The following ASTN2 variants were observed in gnomAD, a reference collection of about 807,000 sequenced individuals.
ASTN2 encodes astrotactin-2.
A neutral mutation model predicts 139.8 loss-of-function variants in ASTN2; 54 were observed. The observed-to-expected ratio is 0.39, with a 90% CI of 0.31 to 0.48. ASTN2 has a LOEUF of 0.48. ASTN2 is among the 20% of genes least tolerant of loss of function. ASTN2 has a pLI of 0.95. For missense variants in ASTN2, 1,565 were observed against 1,725.1 expected (o/e 0.91, Z 1.64); for synonymous variants, 756 against 719.5 (o/e 1.05, Z -0.81).
intron 16 of ASTN2, among the ~76,000 whole-genome samples, chr9:116,654,304 A>T (rs576554548): frequency 1.2e-4 from 19 of 152,348 alleles, no homozygotes; most frequent in African/African-American, 4.3e-4. Flanking sequence ...CAAAGACTCT[A>T]TAATCACAAA....
At chr9:116,886,776 C>G (rs116936087) in intron 10 of ASTN2, among the ~76,000 whole-genome samples, 1 of 152,092 alleles carries the variant, frequency 6.6e-6, no homozygotes, top group Non-Finnish European at 1.5e-5. Flanking sequence ...AGGTACTGCT[C>G]TAGGTGCAGC....
chr9:116,439,173 T>A (rs1303674434), intron 22 of ASTN2, among the ~76,000 whole-genome samples: 1 of 150,958 alleles, frequency 6.6e-6, no homozygotes, highest in East Asian at 1.9e-4. Flanking sequence ...CAAGATGATG[T>A]TGTGTTTTCT....
At chr9:116,624,449 T>C (rs1856337568) in intron 17 of ASTN2, among the ~76,000 whole-genome samples, 3 of 152,172 alleles carry the variant, frequency 2.0e-5, no homozygotes, top group African/African-American at 7.2e-5. Flanking sequence ...CAATTACAAT[T>C]ACTATAGTTC....
At chr9:116,720,669 A>C (rs1828447654) in intron 16 of ASTN2, among the ~76,000 whole-genome samples, 1 of 151,988 alleles carries the variant, frequency 6.6e-6, no homozygotes, top group Non-Finnish European at 1.5e-5. Context: ...TTTCACATAC[A>C]CACATCTGTC....
At chr9:116,488,758 ACTGT>A (rs1479675924) in intron 19 of ASTN2, among the ~76,000 whole-genome samples, 1 of 152,228 alleles carries the variant, frequency 6.6e-6, no homozygotes, top group Non-Finnish European at 1.5e-5. Context: ...TTTAAGGTGG[ACTGT>A]CTGGAGAGTG....
chr9:116,652,503 A>G (rs959937322), intron 16 of ASTN2, among the ~76,000 whole-genome samples: 12 of 152,206 alleles, frequency 7.9e-5, no homozygotes, highest in African/African-American at 2.9e-4. Context: ...TTTAAAATTT[A>G]TATCTAGTCC....
chr9:117,374,086 T>C lies in ASTN2; in HGVS notation c.442+40411A>G, dbSNP rs190904563. On this transcript the variant is annotated intron_variant, in intron 1 of 22. Transcript: ENST00000313400. ...GTGGGGGAAATACTTGCAACTGTTA[T>C]GTGGCAGATATTTTCAGATATAGCA... Among the ~76,000 whole-genome samples the C allele has an allele frequency of 3.9e-3, 601 of 152,284 alleles. 2 individuals carry two copies. Among genetic ancestry groups the C allele is most frequent in the Non-Finnish European group, 6.6e-3 (449 of 68,012 alleles).
intron 19 of ASTN2, among the ~76,000 whole-genome samples, chr9:116,589,075 A>G (rs1854273988): frequency 6.6e-6 from 1 of 152,220 alleles, no homozygotes; most frequent in Admixed American, 6.5e-5. Context: ...TCCAACAAGG[A>G]TAACTCTCCC....
chr9:117,319,711 C>T (rs1828265344), intron 1 of ASTN2, among the ~76,000 whole-genome samples: 1 of 152,022 alleles, frequency 6.6e-6, no homozygotes, highest in Admixed American at 6.6e-5. Context: ...GCTGGGATTA[C>T]AGGCATTAGC....
At chr9:116,462,671 T>C (rs1029078081) in intron 20 of ASTN2, among the ~76,000 whole-genome samples, 3 of 152,132 alleles carry the variant, frequency 2.0e-5, no homozygotes, top group Non-Finnish European at 2.9e-5. Flanking sequence ...TTGGTGATAA[T>C]ATAGGAACGA....
intron 20 of ASTN2, among the ~76,000 whole-genome samples, chr9:116,485,369 A>AG (rs572282791): frequency 7.2e-5 from 11 of 152,300 alleles, no homozygotes; most frequent in African/African-American, 2.4e-4. Context: ...AACCCTAAGG[A>AG]GGGGAGAAAC....
chr9:116,508,106 G>T lies in ASTN2; in HGVS notation c.3356-20606C>A, dbSNP rs572205031. ...GGGTTTCTCCATGTTGGTCAGGGTG[G>T]TCTTGAACTCCCAACCTCAGGTGAT... is the stretch of plus-strand genomic sequence containing the variant. On this transcript the variant is annotated intron_variant, in intron 19 of 22. Transcript: ENST00000313400. 2.0e-5 allele frequency among the ~76,000 whole-genome samples: 3 copies of T among 152,188 alleles called. No individual in the cohort carries two copies. In the East Asian group the frequency reaches 5.8e-4, roughly 29 times the overall value.
rs1279552080 is a variant in ASTN2 at position 117,134,289 on chromosome 9, TATATATACACACACACAC to T, written c.1168+7019_1168+7036del. On this transcript the variant is annotated intron_variant, in intron 4 of 22. Coordinates refer to ENST00000313400, the MANE Select transcript of ASTN2 (RefSeq NM_001365068.1). ...AATTATATATATATATATATATATA[TATATATACACACACACAC>T]ACACACACACACACACACACACACA... Among the ~76,000 whole-genome samples the T allele has an allele frequency of 8.8e-4, 72 of 81,416 alleles. 1 individual carries two copies. Among genetic ancestry groups the T allele is most frequent in the Non-Finnish European group, 1.2e-3 (49 of 40,170 alleles). 53.4% of individuals were successfully genotyped at this position (81,416 alleles called of 152,430 possible). A position where few individuals can be genotyped will look rare whatever the true frequency, so the allele number is the denominator to read the frequency against.
At chr9:117,050,579 G>T (rs1465876669) in intron 5 of ASTN2, among the ~76,000 whole-genome samples, 1 of 152,078 alleles carries the variant, frequency 6.6e-6, no homozygotes, top group East Asian at 1.9e-4. Context: ...TGGGGGAAAT[G>T]GAAGATCAAA....
intron 1 of ASTN2, among the ~76,000 whole-genome samples, chr9:117,306,879 T>C (rs929735414): frequency 6.6e-6 from 1 of 152,168 alleles, no homozygotes; most frequent in African/African-American, 2.4e-5. Context: ...TACTATGTGA[T>C]GTGAAATATA....
At position 116,755,716 on chromosome 9, in the gene ASTN2, A is replaced by AT. The variant is rs1292662561; in HGVS notation, c.2397-22194dup. Among the ~76,000 whole-genome samples the AT allele has an allele frequency of 3.0e-4, 46 of 152,364 alleles. No homozygotes were observed. The East Asian group carries it at 7.9e-3, about 26-fold the overall frequency. On this transcript the variant is annotated intron_variant, in intron 13 of 22. Coordinates refer to ENST00000313400, the MANE Select transcript of ASTN2 (RefSeq NM_001365068.1). ...GAACACTCTACTAGTCTAACTTTCC[A>AT]TCTGCATTAAATCAAAGGTTTAAAA...
chr9:117,083,330 G>A lies in ASTN2; in HGVS notation c.1276+12714C>T, dbSNP rs1028183307. 2.6e-5 allele frequency among the ~76,000 whole-genome samples: 4 copies of A among 152,072 alleles called. No homozygotes were observed. In the East Asian group the frequency reaches 7.7e-4, roughly 29 times the overall value. On this transcript the variant is annotated intron_variant, in intron 5 of 22. Coordinates refer to ENST00000313400, the MANE Select transcript of ASTN2 (RefSeq NM_001365068.1). The stretch of plus-strand genomic sequence containing the variant: ...TTCACATACCTTATATTTTAATAAC[G>A]CATGACACTATTTAACCATCACAAA...
At position 116,686,761 on chromosome 9, in the gene ASTN2, C is replaced by T. The variant is rs149833926; in HGVS notation, c.2807-34968G>A. ...CAAGTCTGCCTCTGCTGTCGGCCTC[C>T]CAGCTGAGTAGGCAAAACATTCCTT... On this transcript the variant is annotated intron_variant, in intron 16 of 22. Coordinates refer to ENST00000313400, the MANE Select transcript of ASTN2 (RefSeq NM_001365068.1). 4.3e-5 allele frequency: 66 copies of T among 1,550,634 alleles called. No individual in the cohort carries two copies. In the African/African-American group the frequency reaches 8.2e-4, roughly 19 times the overall value.
At chr9:117,194,390 C>T (rs1831433840) in intron 3 of ASTN2, among the ~76,000 whole-genome samples, 1 of 152,220 alleles carries the variant, frequency 6.6e-6, no homozygotes, top group Non-Finnish European at 1.5e-5. Context: ...TTATGACCCA[C>T]TCTCAAACTG....
Sources: gnomAD v4.1 joint callset for allele counts (sites outside exome capture counted in the v4.1 genomes callset) on GRCh38, gnomAD v4.1.1 for gene constraint, MANE v1.5 for transcripts, NCBI Gene and HGNC (gene_info 2026-07-23, HGNC 2026-07-21) for gene names.